Variants in DCX observed in about 807,000 individuals in gnomAD.
The protein encoded by DCX is neuronal migration protein doublecortin.
Under a neutral mutation model 20.9 loss-of-function variants are expected in DCX, and 4 were observed. That is an observed-to-expected ratio of 0.19 (90% confidence interval 0.09 to 0.44). The LOEUF (loss-of-function observed/expected upper bound fraction) is 0.44, where lower values mean the gene tolerates loss of function less well. DCX is among the 20% of genes least tolerant of loss of function. The probability of loss-of-function intolerance (pLI) is 0.99; values close to 1 mark genes in which losing one functional copy is unlikely to be tolerated. For synonymous variants in DCX, 103 were observed against 111.4 expected (o/e 0.92, Z 0.47); for missense variants, 133 against 296.9 (o/e 0.45, Z 4.06).
chrX:111,344,126 C>A (rs1274290411), intron 3 of DCX, among the ~76,000 whole-genome samples: 1 of 112,005 alleles, frequency 8.9e-6, no homozygotes, highest in African/African-American at 3.2e-5. Flanking sequence ...TAAACAGAAC[C>A]AAAGACAAAA....
intron 5 of DCX, among the ~76,000 whole-genome samples, chrX:111,318,184 C>CAAAAAA (rs1196651828): frequency 6.3e-5 from 2 of 31,593 alleles, no homozygotes; most frequent in Non-Finnish European, 1.2e-4. Flanking sequence ...GACTCGGTCT[C>CAAAAAA]AAAAAAAAAA....
intron 5 of DCX, among the ~76,000 whole-genome samples, 164 bp from the exon 6 acceptor site, chrX:111,312,900 G>A (rs987767783): frequency 8.9e-6 from 1 of 111,929 alleles, no homozygotes; most frequent in Non-Finnish European, 1.9e-5. Flanking sequence ...TTCCTCAAAA[G>A]GGCAAGAACT....
chrX:111,381,666 A>G (rs2147234099), intron 3 of DCX, among the ~76,000 whole-genome samples: 1 of 111,070 alleles, frequency 9.0e-6, no homozygotes, highest in East Asian at 2.9e-4. Flanking sequence ...GTCATTCTCC[A>G]ACATTTACTT....
At chrX:111,346,318 C>G (rs1433259651) in intron 3 of DCX, among the ~76,000 whole-genome samples, 1 of 111,755 alleles carries the variant, frequency 8.9e-6, no homozygotes, top group East Asian at 2.8e-4. Flanking sequence ...GAAGAGACAA[C>G]AGATGAAAAG....
intron 3 of DCX, among the ~76,000 whole-genome samples, chrX:111,375,617 G>C (rs1925473840): frequency 9.0e-6 from 1 of 110,899 alleles, no homozygotes; most frequent in Non-Finnish European, 1.9e-5. Flanking sequence ...TGAAGTACTT[G>C]GAGGATGATC....
chrX:111,393,804 C>T (rs1306324321), intron 3 of DCX, among the ~76,000 whole-genome samples: 1 of 110,679 alleles, frequency 9.0e-6, no homozygotes, highest in East Asian at 2.8e-4. Context: ...TCAGATACCA[C>T]TTCACACCCA....
chrX:111,314,273 G>C (rs919819687), intron 5 of DCX, among the ~76,000 whole-genome samples: 2 of 111,941 alleles, frequency 1.8e-5, no homozygotes, highest in Admixed American at 9.5e-5. Context: ...AGTAGCTATG[G>C]AGCTCTACCT....
At chrX:111,368,017 C>T (rs887291978) in intron 3 of DCX, among the ~76,000 whole-genome samples, 16 of 111,368 alleles carry the variant, frequency 1.4e-4, no homozygotes, top group African/African-American at 4.9e-4. Context: ...CCACAGGCTG[C>T]GGGGTGGAAG....
At chrX:111,329,417 T>C (rs933446256) in intron 5 of DCX, among the ~76,000 whole-genome samples, 12 of 111,750 alleles carry the variant, frequency 1.1e-4, no homozygotes, top group South Asian at 3.8e-4. Flanking sequence ...TCTGCACTGA[T>C]GATATGAAAA....
intron 1 of DCX, 39 bp from the exon 2 acceptor site, chrX:111,410,459 A>G: frequency 8.3e-7 from 1 of 1,203,074 alleles, no homozygotes; most frequent in Non-Finnish European, 1.1e-6. Context: ...AAGAGAGGCA[A>G]AAACAAAAAG....
rs1366304445 is a variant in DCX, at chrX:111,296,113, G to A, written c.*5574C>T. ...GATGGATGTTTGTACTGTGGAAAGA[G>A]AGACTGATAACATAGAATATAAACT... On this transcript the variant is annotated 3_prime_UTR_variant, in exon 7 of 7. Transcript: ENST00000636035. 8.9e-6 allele frequency: 1 copy of A among 112,069 alleles called. No individual in the cohort carries two copies. Among genetic ancestry groups the A allele is most frequent in the Non-Finnish European group, 1.9e-5 (1 of 53,242 alleles). 9.2% of individuals were successfully genotyped at this position (112,069 alleles called of 1,213,427 possible).
chrX:111,402,656 C>T (rs1927882008), intron 2 of DCX, among the ~76,000 whole-genome samples: 1 of 111,562 alleles, frequency 9.0e-6, no homozygotes, highest in Admixed American at 9.5e-5. Flanking sequence ...TTTGCCATAG[C>T]ACCAAATCCT....
intron 3 of DCX, among the ~76,000 whole-genome samples, chrX:111,333,384 G>A (rs1921438611): frequency 9.0e-6 from 1 of 111,364 alleles, no homozygotes; most frequent in African/African-American, 3.3e-5. Flanking sequence ...ACTTTCAATT[G>A]CATCAAGAGT....
intron 1 of DCX, chrX:111,411,209 G>A (rs958261092): frequency 5.3e-6 from 2 of 375,273 alleles, no homozygotes; most frequent in Non-Finnish European, 4.6e-6. Context: ...GTCTTCCCCC[G>A]GTTCCATTTG....
chrX:111,319,414 A>C (rs1198912568), intron 5 of DCX, among the ~76,000 whole-genome samples: 2 of 111,427 alleles, frequency 1.8e-5, no homozygotes, highest in African/African-American at 3.3e-5. Flanking sequence ...GTGTGTTTAT[A>C]TACCATACAA....
At chrX:111,320,810 TTCTCTCTCTTTCTTTC>T (rs2095084707) in intron 5 of DCX, among the ~76,000 whole-genome samples, 1 of 107,648 alleles carries the variant, frequency 9.3e-6, no homozygotes, top group African/African-American at 3.5e-5. Context: ...GCACTCTTCT[TTCTCTCTCTTTCTTTC>T]TCTCTCTCTC....
chrX:111,382,180 C>T (rs1295995192), intron 3 of DCX, among the ~76,000 whole-genome samples: 1 of 111,908 alleles, frequency 8.9e-6, no homozygotes, highest in Non-Finnish European at 1.9e-5. Context: ...CCACTACCTT[C>T]TAGCCTTCTT....
intron 3 of DCX, among the ~76,000 whole-genome samples, chrX:111,373,493 A>G (rs1051884445): frequency 5.4e-5 from 6 of 111,806 alleles, no homozygotes; most frequent in Non-Finnish European, 7.5e-5. Context: ...GAATATTAGT[A>G]CACAAAATAA....
rs1228997738 is a variant in DCX, at chrX:111,298,556, T to C, written c.*3131A>G. 4 of 111,667 alleles carry C rather than the reference T, an allele frequency of 3.6e-5. No individual in the cohort carries two copies. Among genetic ancestry groups the C allele is most frequent in the Non-Finnish European group, 7.5e-5 (4 of 53,031 alleles). The allele number at this position is 111,667 out of a possible 1,213,427, so 9.2% of individuals were successfully genotyped here. A position where few individuals can be genotyped will look rare whatever the true frequency, so the allele number is the denominator to read the frequency against. On this transcript the variant is annotated 3_prime_UTR_variant, in exon 7 of 7. Transcript: ENST00000636035. ...AGGCCCTGGAATAAGAGCCAGGAGATGTGGGTTGTAAACCCAATCCTGCCC... is the reference window on the plus strand; with the variant it reads ...AGGCCCTGGAATAAGAGCCAGGAGACGTGGGTTGTAAACCCAATCCTGCCC...
Sources: allele counts gnomAD v4.1 joint callset (sites outside exome capture counted in the v4.1 genomes callset), GRCh38; gene constraint gnomAD v4.1.1; transcripts MANE v1.5; gene names NCBI Gene and HGNC (gene_info 2026-07-23, HGNC 2026-07-21).